The following CRMP1 variants were observed in gnomAD, a reference collection of about 807,000 sequenced individuals.
The protein encoded by CRMP1 is collapsin response mediator protein 1.
CRMP1 carries 19 observed loss-of-function variants against 68.3 expected under a neutral mutation model. The observed-to-expected ratio is 0.28, with a 90% CI of 0.19 to 0.41. CRMP1 has a LOEUF of 0.41. CRMP1 is among the 10% of genes least tolerant of loss of function. CRMP1 has a pLI of 1.00. For missense variants in CRMP1, 791 were observed against 967.4 expected (o/e 0.82, Z 2.42); for synonymous variants, 439 against 399.6 (o/e 1.10, Z -1.18).
intron 1 of CRMP1, among the ~76,000 whole-genome samples, chr4:5,871,245 T>C (rs1401476193): frequency 6.6e-6 from 1 of 152,190 alleles, no homozygotes; most frequent in Non-Finnish European, 1.5e-5. Flanking sequence ...TTCTTAAAAT[T>C]AGTAGTTCCT....
chr4:5,890,941 T>G lies in CRMP1; in HGVS notation c.381+1648A>C, dbSNP rs1715914149. On this transcript the variant is annotated intron_variant, in intron 1 of 13. Transcript: ENST00000324989. This position sits in a 1 kb window ranked among gnomAD's most constrained non-coding sequence, Gnocchi z 5.5. ...ACCCCCATCTGACAGATGGAGAAGC[T>G]GAGGCCCAAGAGAGCAAAGCGCCTT... 6.6e-6 allele frequency among the ~76,000 whole-genome samples: 1 copy of G among 152,044 alleles called. No homozygotes were observed. Among genetic ancestry groups the G allele is most frequent in the African/African-American group, 2.4e-5 (1 of 41,414 alleles).
chr4:5,835,789 C>A (rs1307626195), intron 11 of CRMP1, 126 bp downstream of exon 11: 16 of 1,137,056 alleles, frequency 1.4e-5, no homozygotes, highest in Non-Finnish European at 1.7e-5. Context: ...ATGGGAATGA[C>A]TGAGTCAGGC....
In CRMP1 at chr4:5,860,402, C is replaced by T. The variant is rs1014320825; in HGVS notation, c.655+624G>A. On this transcript the variant is annotated intron_variant, in intron 3 of 13. Transcript: ENST00000324989. The surrounding 1 kb of genome is among the most constrained non-coding windows in gnomAD (Gnocchi z 4.2). The stretch of plus-strand genomic sequence containing the variant: ...CAGCCACTCCAGCCCCACTCCCACT[C>T]CTGCACACCCTCAAATGAGAAAAAC... Among the ~76,000 whole-genome samples, 1 of 152,180 alleles carries T rather than the reference C, an allele frequency of 6.6e-6. No homozygotes were observed. Among genetic ancestry groups the T allele is most frequent in the East Asian group, 1.9e-4 (1 of 5,198 alleles).
At position 5,825,021 on chromosome 4, in the gene CRMP1, A is replaced by G; in HGVS notation, c.1969+473T>C. ...TTCCTCTTTAAATAAATAGGGTATA[A>G]TGTTACTTTATGGAGTAGTGAGGAT... On this transcript the variant is annotated intron_variant, in intron 13 of 13. Coordinates refer to ENST00000324989, the MANE Select transcript of CRMP1 (RefSeq NM_001014809.3). The surrounding 1 kb of genome is among the most constrained non-coding windows in gnomAD (Gnocchi z 4.4). 1 of 985,306 alleles carries G rather than the reference A, an allele frequency of 1.0e-6. No individual in the cohort carries two copies. The highest frequency in any genetic ancestry group is 1.7e-5 in the African/African-American group (1 of 57,346). The allele number at this position is 985,306 out of a possible 1,614,324, so 61.0% of individuals were successfully genotyped here.
intron 1 of CRMP1, chr4:5,887,802 T>C: frequency 3.0e-6 from 3 of 991,712 alleles, no homozygotes; most frequent in Non-Finnish European, 3.6e-6. Flanking sequence ...GGTACCGGGC[T>C]GTGGGGTGCA....
chr4:5,866,939 C>T lies in CRMP1; in HGVS notation c.382-183G>A, dbSNP rs572110050. 6.6e-6 allele frequency among the ~76,000 whole-genome samples: 1 copy of T among 152,316 alleles called. No individual in the cohort carries two copies. The highest frequency in any genetic ancestry group is 1.9e-4 in the East Asian group (1 of 5,192). On this transcript the variant is annotated intron_variant, in intron 1 of 13. Coordinates refer to ENST00000324989, the MANE Select transcript of CRMP1 (RefSeq NM_001014809.3). This position sits in a 1 kb window ranked among gnomAD's most constrained non-coding sequence, Gnocchi z 5.9. ...TCCAATACTTCCTATTCTCCTTTCACCTTTCTCCCCTCTCACTTTGTTTTG... is the reference window on the plus strand; with the variant it reads ...TCCAATACTTCCTATTCTCCTTTCATCTTTCTCCCCTCTCACTTTGTTTTG...
chr4:5,877,769 C>T lies in CRMP1; in HGVS notation c.382-11013G>A, dbSNP rs558952607. Among the ~76,000 whole-genome samples the T allele has an allele frequency of 1.2e-4, 18 of 152,324 alleles. No individual in the cohort carries two copies. The highest frequency in any genetic ancestry group is 3.8e-4 in the African/African-American group (16 of 41,578). On this transcript the variant is annotated intron_variant, in intron 1 of 13. Transcript: ENST00000324989. This position sits in a 1 kb window ranked among gnomAD's most constrained non-coding sequence, Gnocchi z 4.3. ...GATATTATGCCTGTTTCCATGACAA[C>T]TGCAGTTATAAGTGCACAATTTCAG...
At position 5,889,924 on chromosome 4, in the gene CRMP1, T is replaced by G. The variant is rs934831044; in HGVS notation, c.381+2665A>C. ...GGAACACTAGGCATAATTTTCCCAT[T>G]TTACAGACAGGAAATTGAGGCTTAC... On this transcript the variant is annotated intron_variant, in intron 1 of 13. Coordinates refer to ENST00000324989, the MANE Select transcript of CRMP1 (RefSeq NM_001014809.3). This position sits in a 1 kb window ranked among gnomAD's most constrained non-coding sequence, Gnocchi z 4.5. 2.2e-6 allele frequency: 3 copies of G among 1,379,960 alleles called. No homozygotes were observed. The African/African-American group carries it at 4.4e-5, about 20-fold the overall frequency. 85.5% of individuals were successfully genotyped at this position (1,379,960 alleles called of 1,614,324 possible). A position where few individuals can be genotyped will look rare whatever the true frequency, so the allele number is the denominator to read the frequency against.
Position 5,825,850 on chromosome 4 carries a change from C to T in CRMP1, c.1804-191G>A. The T allele has an allele frequency of 1.7e-6, 1 of 595,336 alleles. No homozygotes were observed. The highest frequency in any genetic ancestry group is 2.9e-6 in the Non-Finnish European group (1 of 349,370). The allele number at this position is 595,336 out of a possible 1,614,324, so 36.9% of individuals were successfully genotyped here. The stretch of plus-strand genomic sequence containing the variant: ...GCAGCCGCACACAGGCATTCATACA[C>T]ACAAGCATGCATACACACACATCTA... On this transcript the variant is annotated intron_variant, in intron 12 of 13. Coordinates refer to ENST00000324989, the MANE Select transcript of CRMP1 (RefSeq NM_001014809.3). This position sits in a 1 kb window ranked among gnomAD's most constrained non-coding sequence, Gnocchi z 4.4.
In CRMP1 at chr4:5,866,330, C is replaced by T. The variant is rs185980283; in HGVS notation, c.470+338G>A. On this transcript the variant is annotated intron_variant, in intron 2 of 13. Coordinates refer to ENST00000324989, the MANE Select transcript of CRMP1 (RefSeq NM_001014809.3). This position sits in a 1 kb window ranked among gnomAD's most constrained non-coding sequence, Gnocchi z 5.9. ...TCCGGGCCTTGACCCTAACTCACCC[C>T]GTCATATGGGGCCAGGTACCCAGAC... Among the ~76,000 whole-genome samples, 46 of 152,316 alleles carry T rather than the reference C, an allele frequency of 3.0e-4. No individual in the cohort carries two copies. The highest frequency in any genetic ancestry group is 1.6e-3 in the Admixed American group (24 of 15,296).
intron 1 of CRMP1, chr4:5,887,920 T>G: frequency 3.2e-6 from 2 of 631,988 alleles, no homozygotes; most frequent in Non-Finnish European, 2.1e-6. Context: ...CCTCTTTTGT[T>G]CGGCTCCGCA....
At position 5,870,587 on chromosome 4, in the gene CRMP1, G is replaced by A. The variant is rs1350154194; in HGVS notation, c.382-3831C>T. ...GGCTGGCTGCCTGGGTGACTGAACTGATTCTTGACAGATGAATGGGTGAAG... is the reference window on the plus strand; with the variant it reads ...GGCTGGCTGCCTGGGTGACTGAACTAATTCTTGACAGATGAATGGGTGAAG... On this transcript the variant is annotated intron_variant, in intron 1 of 13. Coordinates refer to ENST00000324989, the MANE Select transcript of CRMP1 (RefSeq NM_001014809.3). The surrounding 1 kb of genome is among the most constrained non-coding windows in gnomAD (Gnocchi z 6.0). Among the ~76,000 whole-genome samples the A allele has an allele frequency of 1.3e-5, 2 of 152,202 alleles. No homozygotes were observed. Among genetic ancestry groups the A allele is most frequent in the African/African-American group, 4.8e-5 (2 of 41,456 alleles).
At position 5,891,772 on chromosome 4, in the gene CRMP1, T is replaced by G. The variant is rs141956787; in HGVS notation, c.381+817A>C. Reference sequence around the variant, plus strand: ...CGTCCATCCGCCCTTCTTCCCCCAGTTTCCTGGTGACCCCCAGCTCAAGAG... The same window carrying G: ...CGTCCATCCGCCCTTCTTCCCCCAGGTTCCTGGTGACCCCCAGCTCAAGAG... On this transcript the variant is annotated intron_variant, in intron 1 of 13. Transcript: ENST00000324989. This position sits in a 1 kb window ranked among gnomAD's most constrained non-coding sequence, Gnocchi z 5.2. Among the ~76,000 whole-genome samples, 3,029 of 152,262 alleles carry G rather than the reference T, an allele frequency of 0.02. 60 individuals carry two copies. Among genetic ancestry groups the G allele is most frequent in the South Asian group, 0.047 (225 of 4,818 alleles).
At position 5,830,513 on chromosome 4, in the gene CRMP1, T is replaced by A. The variant is rs1207242905; in HGVS notation, c.1624-1845A>T. Among the ~76,000 whole-genome samples the A allele has an allele frequency of 2.6e-5, 4 of 152,366 alleles. No homozygotes were observed. The East Asian group carries it at 7.7e-4, about 29-fold the overall frequency. The stretch of plus-strand genomic sequence containing the variant: ...TTATCTTAATCTTTGAACCATGGTT[T>A]GATTTGTTTGATAGTAAATAGTAGG... On this transcript the variant is annotated intron_variant, in intron 11 of 13. Coordinates refer to ENST00000324989, the MANE Select transcript of CRMP1 (RefSeq NM_001014809.3).
rs571806731 is a variant in CRMP1, at chr4:5,855,406, G to A, written c.820+737C>T. Among the ~76,000 whole-genome samples, 14 of 152,280 alleles carry A rather than the reference G, an allele frequency of 9.2e-5. No individual in the cohort carries two copies. Among genetic ancestry groups the A allele is most frequent in the African/African-American group, 3.1e-4 (13 of 41,554 alleles). ...CCGACTGCCCCTTTCTGGACAGATC[G>A]CTCATGCCCTGTCTCTTTCCATTCT... is the stretch of plus-strand genomic sequence containing the variant. On this transcript the variant is annotated intron_variant, in intron 4 of 13. Coordinates refer to ENST00000324989, the MANE Select transcript of CRMP1 (RefSeq NM_001014809.3). The surrounding 1 kb of genome is among the most constrained non-coding windows in gnomAD (Gnocchi z 4.9).
Position 5,853,186 on chromosome 4 carries a change from G to A in CRMP1, c.821-1717C>T, listed in dbSNP as rs963920529. On this transcript the variant is annotated intron_variant, in intron 4 of 13. Coordinates refer to ENST00000324989, the MANE Select transcript of CRMP1 (RefSeq NM_001014809.3). The surrounding 1 kb of genome is among the most constrained non-coding windows in gnomAD (Gnocchi z 4.7). ...CCAGCAATTTGGGAGGCCAAGGCAGGTGGATCACCTGAGGTCAAGAGTTCA... is the reference window on the plus strand; with the variant it reads ...CCAGCAATTTGGGAGGCCAAGGCAGATGGATCACCTGAGGTCAAGAGTTCA... 6.6e-6 allele frequency among the ~76,000 whole-genome samples: 1 copy of A among 152,216 alleles called. No homozygotes were observed. The highest frequency in any genetic ancestry group is 6.5e-5 in the Admixed American group (1 of 15,288).
At position 5,866,523 on chromosome 4, in the gene CRMP1, C is replaced by T; in HGVS notation, c.470+145G>A. On this transcript the variant is annotated intron_variant, in intron 2 of 13. Transcript: ENST00000324989. The surrounding 1 kb of genome is among the most constrained non-coding windows in gnomAD (Gnocchi z 5.9). ...CCTTCTCCACCCGCAGTGTGCACCT[C>T]CCCCAACCTCTGTGAGGTCTCTACC... 1.7e-6 allele frequency: 1 copy of T among 589,960 alleles called. No homozygotes were observed. The highest frequency in any genetic ancestry group is 2.8e-5 in the South Asian group (1 of 36,122). 36.5% of individuals were successfully genotyped at this position (589,960 alleles called of 1,614,324 possible). A position where few individuals can be genotyped will look rare whatever the true frequency, so the allele number is the denominator to read the frequency against.
intron 3 of CRMP1, among the ~76,000 whole-genome samples, chr4:5,857,115 A>AAAC (rs150711966): frequency 7.2e-6 from 1 of 139,376 alleles, no homozygotes; most frequent in Non-Finnish European, 1.6e-5. Flanking sequence ...CCACCACCAC[A>AAAC]ATCATCACCA....
At chr4:5,880,357 C>T (rs4292278) in intron 1 of CRMP1, among the ~76,000 whole-genome samples, 19,267 of 152,142 alleles carry the variant, frequency 0.13, 2,245 homozygotes, top group African/African-American at 0.31. Context: ...TTTTATTAGA[C>T]CTTAAGCCCT....
Sources: allele counts gnomAD v4.1 joint callset (sites outside exome capture counted in the v4.1 genomes callset), GRCh38; gene constraint gnomAD v4.1.1; non-coding constraint Gnocchi (gnomAD v3.1); transcripts MANE v1.5; gene names NCBI Gene and HGNC (gene_info 2026-07-23, HGNC 2026-07-21).